Variants in NRXN2 observed in about 807,000 individuals in gnomAD.
The protein encoded by NRXN2 is neurexin 2.
In NRXN2, 29 loss-of-function variants were observed where a neutral mutation model predicts 128.8. The observed-to-expected ratio is 0.23, with a 90% CI of 0.17 to 0.31. NRXN2 has a LOEUF of 0.31. NRXN2 is among the 10% of genes least tolerant of loss of function. NRXN2 has a pLI of 1.00. For synonymous variants in NRXN2, 1,098 were observed against 1,075.2 expected (o/e 1.02, Z -0.41); for missense variants, 1,881 against 2,452.6 (o/e 0.77, Z 4.92).
chr11:64,627,999 T>TCTG (rs1285135674), intron 19 of NRXN2, among the ~76,000 whole-genome samples: 1 of 152,170 alleles, frequency 6.6e-6, no homozygotes, highest in Non-Finnish European at 1.5e-5. Context: ...GCAAGGAGAT[T>TCTG]CTGCTTTCCC....
chr11:64,630,622 T>A lies in NRXN2; in HGVS notation c.3586-49A>T. 3.1e-6 allele frequency: 5 copies of A among 1,606,940 alleles called. No individual in the cohort carries two copies. Among genetic ancestry groups the A allele is most frequent in the Non-Finnish European group, 4.3e-6 (5 of 1,175,410 alleles). On this transcript the variant is annotated intron_variant, in intron 18 of 22. Coordinates refer to ENST00000265459, the MANE Select transcript of NRXN2 (RefSeq NM_015080.4). This position sits in a 1 kb window ranked among gnomAD's most constrained non-coding sequence, Gnocchi z 4.6. ...AGCGACCAGAGGGAGCAACCATTCA[T>A]CCCTTCTAGTGGCTACTCCTGTGAC...
intron 2 of NRXN2, among the ~76,000 whole-genome samples, chr11:64,702,352 A>G (rs979558152): frequency 6.6e-6 from 1 of 152,152 alleles, no homozygotes; most frequent in Non-Finnish European, 1.5e-5. Flanking sequence ...GTTTTGTAGA[A>G]TAGAAAGGGG....
intron 22 of NRXN2, 87 bp from the exon 23 acceptor site, chr11:64,608,169 C>T (rs2040010677): frequency 9.9e-7 from 1 of 1,009,578 alleles, no homozygotes; most frequent in African/African-American, 1.6e-5. Context: ...ACAACAGCCT[C>T]ACACACCCAA....
chr11:64,709,337 C>T (rs77502299), intron 2 of NRXN2, among the ~76,000 whole-genome samples: 2,939 of 152,182 alleles, frequency 0.019, 50 homozygotes, highest in South Asian at 0.037. Flanking sequence ...AGGCCTGCTC[C>T]CCTTAAAGTC....
At chr11:64,641,256 G>C (rs972655376) in intron 17 of NRXN2, among the ~76,000 whole-genome samples, 1 of 152,030 alleles carries the variant, frequency 6.6e-6, no homozygotes, top group Admixed American at 6.6e-5. Context: ...GGATGGGATG[G>C]GATGGAGGCA....
intron 17 of NRXN2, among the ~76,000 whole-genome samples, chr11:64,637,758 G>A (rs2044975446): frequency 6.6e-6 from 1 of 152,078 alleles, no homozygotes; most frequent in Non-Finnish European, 1.5e-5. Context: ...CCTGCAGGCT[G>A]CCTCCAAATC....
rs961380516 is a variant in NRXN2, at chr11:64,667,771, G to A, written c.1360-83C>T. ...ACTCCCACCCAGCAGCGAGCACCAG[G>A]GGACCCAGCCACCCACCCCTGTAGC... On this transcript the variant is annotated intron_variant, in intron 8 of 22. Transcript: ENST00000265459. The surrounding 1 kb of genome is among the most constrained non-coding windows in gnomAD (Gnocchi z 5.6). The A allele has an allele frequency of 1.6e-5, 22 of 1,371,582 alleles. No individual in the cohort carries two copies. The highest frequency in any genetic ancestry group is 2.1e-5 in the Non-Finnish European group (21 of 977,848). 85.0% of individuals were successfully genotyped at this position (1,371,582 alleles called of 1,614,324 possible). A position where few individuals can be genotyped will look rare whatever the true frequency, so the allele number is the denominator to read the frequency against.
At chr11:64,703,216 T>G (rs1257425108) in intron 2 of NRXN2, among the ~76,000 whole-genome samples, 1 of 152,154 alleles carries the variant, frequency 6.6e-6, no homozygotes, top group Non-Finnish European at 1.5e-5. Flanking sequence ...TCTCTCTATA[T>G]CCAGCTGCTT....
Position 64,716,944 on chromosome 11 carries a change from G to A in NRXN2, c.-244-3001C>T, listed in dbSNP as rs200767095. Among the ~76,000 whole-genome samples, 311 of 151,952 alleles carry A rather than the reference G, an allele frequency of 2.0e-3. 9 individuals are homozygous for A. In the South Asian group the frequency reaches 0.06, roughly 29 times the overall value. ...TTCCCCTCGCCTTTCCCCTCCCTGC[G>A]CCTCTCCCACCCAGGCCAAGGCTGC... is the stretch of plus-strand genomic sequence containing the variant. On this transcript the variant is annotated intron_variant, in intron 1 of 22. Transcript: ENST00000265459.
At chr11:64,701,824 GGGCGCCTCTGCCCGGCCGCCCCT>G in intron 2 of NRXN2, among the ~76,000 whole-genome samples, 1 of 150,008 alleles carries the variant, frequency 6.7e-6, no homozygotes, top group Non-Finnish European at 1.5e-5. Context: ...GGCAGGTGAG[GGGCGCCTCTGCCCGGCCGCCCCT>G]ACTGGGAAGT....
chr11:64,652,069 G>C lies in NRXN2; in HGVS notation c.2502C>G (p.Ser834Arg), dbSNP rs1165019405. 1.9e-6 allele frequency: 3 copies of C among 1,613,158 alleles called. No individual in the cohort carries two copies. The highest frequency in any genetic ancestry group is 2.5e-6 in the Non-Finnish European group (3 of 1,179,998). The stretch of plus-strand genomic sequence containing the variant: ...TCACGTTGTCCACAGACAGCTGCAG[G>C]CTCTTGCCACGCCGGACCACCCTCA... ...HTVRVVRRGKSLQLSVDNVTV... is the reference protein window; with the variant it reads ...HTVRVVRRGKRLQLSVDNVTV... The change falls in exon 13 of 23, where the codon AGC becomes AGG. Residue 834 changes from serine to arginine, a missense_variant. Physicochemically the swap from Ser to Arg is moderately radical, Grantham distance 110. Transcript: ENST00000265459.
intron 17 of NRXN2, among the ~76,000 whole-genome samples, chr11:64,640,569 G>A (rs546752560): frequency 6.6e-6 from 1 of 152,136 alleles, no homozygotes; most frequent in African/African-American, 2.4e-5. Flanking sequence ...TGGGGAGGGG[G>A]AGGGAGTTAA....
chr11:64,663,041 A>G (rs2049273842), intron 9 of NRXN2, among the ~76,000 whole-genome samples: 1 of 152,044 alleles, frequency 6.6e-6, no homozygotes, highest in South Asian at 2.1e-4. Context: ...CTACAGACAC[A>G]TCCCCTCATT....
At chr11:64,670,892 C>G (rs1260031968) in intron 7 of NRXN2, among the ~76,000 whole-genome samples, 1 of 152,180 alleles carries the variant, frequency 6.6e-6, no homozygotes, top group African/African-American at 2.4e-5. Context: ...CCACCTGAGC[C>G]CCTCAGCTGT....
rs944735093 is a variant in NRXN2, at chr11:64,631,047, C to G, written c.3586-474G>C. 2.6e-5 allele frequency among the ~76,000 whole-genome samples: 4 copies of G among 152,224 alleles called. No individual in the cohort carries two copies. Among genetic ancestry groups the G allele is most frequent in the African/African-American group, 9.6e-5 (4 of 41,456 alleles). On this transcript the variant is annotated intron_variant, in intron 18 of 22. Coordinates refer to ENST00000265459, the MANE Select transcript of NRXN2 (RefSeq NM_015080.4). This position sits in a 1 kb window ranked among gnomAD's most constrained non-coding sequence, Gnocchi z 4.8. ...CAGTCCCCAGTCTCCAGCCTCTCCTCCCTGGTATGCTCTGTACCAAGCAGG... is the reference window on the plus strand; with the variant it reads ...CAGTCCCCAGTCTCCAGCCTCTCCTGCCTGGTATGCTCTGTACCAAGCAGG...
intron 7 of NRXN2, among the ~76,000 whole-genome samples, chr11:64,668,869 G>A (rs1342107929): frequency 6.6e-6 from 1 of 152,192 alleles, no homozygotes; most frequent in Non-Finnish European, 1.5e-5. Context: ...AGGGTACTTG[G>A]AGAGCTCCCC....
At chr11:64,610,939 G>A (rs1295158108) in intron 22 of NRXN2, among the ~76,000 whole-genome samples, 1 of 152,142 alleles carries the variant, frequency 6.6e-6, no homozygotes, top group African/African-American at 2.4e-5. Context: ...ACCCTTCCCT[G>A]CTGACATCTC....
Position 64,712,956 on chromosome 11 carries a change from T to C in NRXN2, c.730+14A>G. ...CCGCGCCCAGGCACCGGGCGGCCGCTCCCCGGGGCTCACCTTCGCTGCAGA... is the reference window on the plus strand; with the variant it reads ...CCGCGCCCAGGCACCGGGCGGCCGCCCCCCGGGGCTCACCTTCGCTGCAGA... On this transcript the variant is annotated intron_variant, in intron 2 of 22. Transcript: ENST00000265459. The C allele has an allele frequency of 6.7e-7, 1 of 1,501,660 alleles. No homozygotes were observed. Among genetic ancestry groups the C allele is most frequent in the Non-Finnish European group, 8.8e-7 (1 of 1,130,038 alleles). 93.0% of individuals were successfully genotyped at this position (1,501,660 alleles called of 1,614,324 possible).
intron 1 of NRXN2, among the ~76,000 whole-genome samples, chr11:64,721,639 C>T (rs996048103): frequency 2.0e-5 from 3 of 152,134 alleles, no homozygotes; most frequent in Non-Finnish European, 2.9e-5. Context: ...CCTTCTCCTT[C>T]CCTCTCCCTT....
Sources: gnomAD v4.1 joint callset for allele counts (sites outside exome capture counted in the v4.1 genomes callset) on GRCh38, gnomAD v4.1.1 for gene constraint, Gnocchi (gnomAD v3.1) non-coding constraint, MANE v1.5 for transcripts, NCBI Gene and HGNC (gene_info 2026-07-23, HGNC 2026-07-21) for gene names.